Variants in AGBL1 observed in about 807,000 individuals in gnomAD.
The protein encoded by AGBL1 is AGBL carboxypeptidase 1, also known as cytosolic carboxypeptidase 4.
AGBL1 carries 130 observed loss-of-function variants against 118.9 expected under a neutral mutation model. That is an observed-to-expected ratio of 1.09 (90% CI 0.95 to 1.26). The LOEUF (loss-of-function observed/expected upper bound fraction) is 1.26. Ranked by LOEUF, AGBL1 falls within the 50% of genes most tolerant of loss-of-function variation. AGBL1 has a pLI of 0.00. For missense variants in AGBL1, 1,584 were observed against 1,298.1 expected (o/e 1.22, Z -3.38); for synonymous variants, 555 against 478.9 (o/e 1.16, Z -2.08).
intron 22 of AGBL1, among the ~76,000 whole-genome samples, chr15:86,726,723 A>T (rs1596410922): frequency 6.6e-6 from 1 of 152,016 alleles, no homozygotes; most frequent in Admixed American, 6.6e-5. Flanking sequence ...CACCATGCCC[A>T]GCTAATTGTT....
intron 1 of AGBL1, among the ~76,000 whole-genome samples, chr15:86,100,644 T>TCTCTAGCTTCTCTAGCTTCTTCTA (rs1441759341): frequency 1.3e-5 from 2 of 152,142 alleles, no homozygotes; most frequent in East Asian, 3.8e-4. Context: ...TTCAGTTTCT[T>TCTCTAGCTTCTCTAGCTTCTTCTA]GCTGCATAGT....
At chr15:86,326,434 C>T (rs552186969) in intron 17 of AGBL1, among the ~76,000 whole-genome samples, 1 of 152,238 alleles carries the variant, frequency 6.6e-6, no homozygotes, top group African/African-American at 2.4e-5. Flanking sequence ...GAATGATTTT[C>T]AGTTTATTAT....
chr15:86,794,520 A>G (rs1020595861), intron 22 of AGBL1, among the ~76,000 whole-genome samples: 13 of 152,182 alleles, frequency 8.5e-5, no homozygotes, highest in Non-Finnish European at 1.5e-4. Context: ...CTAGAATTAG[A>G]TAGTGGCGGA....
At chr15:86,717,971 A>G (rs867772726) in intron 22 of AGBL1, among the ~76,000 whole-genome samples, 5 of 152,116 alleles carry the variant, frequency 3.3e-5, no homozygotes, top group Admixed American at 1.3e-4. Flanking sequence ...TCAGCTACTC[A>G]GGAGGCTGAG....
At chr15:86,187,958 C>T (rs1274120659) in intron 5 of AGBL1, among the ~76,000 whole-genome samples, 1 of 152,198 alleles carries the variant, frequency 6.6e-6, no homozygotes, top group African/African-American at 2.4e-5. Flanking sequence ...TTCTTCAAGG[C>T]ATTTCTAATA....
At chr15:87,026,022 G>A in intron 24 of AGBL1, among the ~76,000 whole-genome samples, 1 of 152,124 alleles carries the variant, frequency 6.6e-6, no homozygotes, top group Non-Finnish European at 1.5e-5. Context: ...ATTGATTAAG[G>A]ACTTAAATAT....
At chr15:86,699,831 A>G (rs2086325139) in intron 22 of AGBL1, among the ~76,000 whole-genome samples, 1 of 152,070 alleles carries the variant, frequency 6.6e-6, no homozygotes, top group Non-Finnish European at 1.5e-5. Context: ...CTTGTAACTA[A>G]TAGCTATTTT....
chr15:86,361,701 A>T (rs1364233669), intron 17 of AGBL1, among the ~76,000 whole-genome samples: 17 of 151,868 alleles, frequency 1.1e-4, no homozygotes, highest in Admixed American at 1.1e-3. Flanking sequence ...TAATAACTTT[A>T]TTTGTGTTTT....
intron 21 of AGBL1, among the ~76,000 whole-genome samples, chr15:86,662,764 A>G (rs1215857379): frequency 6.6e-6 from 1 of 152,204 alleles, no homozygotes; most frequent in Non-Finnish European, 1.5e-5. Flanking sequence ...GCTAATCTGC[A>G]GACCATAATT....
In AGBL1 at chr15:86,505,445, C is replaced by G. The variant is rs544255616; in HGVS notation, c.2556-17365C>G. Reference sequence around the variant, plus strand: ...GATGGTGTCCCAGTGGTGTCTGAGACTCTGTTAATTTTTTAGATCCTTTCT... The same window carrying G: ...GATGGTGTCCCAGTGGTGTCTGAGAGTCTGTTAATTTTTTAGATCCTTTCT... On this transcript the variant is annotated intron_variant, in intron 18 of 22. Transcript: ENST00000614907. 3.3e-5 allele frequency among the ~76,000 whole-genome samples: 5 copies of G among 151,866 alleles called. No individual in the cohort carries two copies. In the East Asian group the frequency reaches 9.7e-4, roughly 30 times the overall value.
intron 22 of AGBL1, among the ~76,000 whole-genome samples, chr15:86,799,149 A>G (rs1175070480): frequency 1.3e-5 from 2 of 151,450 alleles, no homozygotes; most frequent in Non-Finnish European, 2.9e-5. Flanking sequence ...ATGCAATTGT[A>G]ATTTTATTTT....
At chr15:86,139,012 T>C (rs1215580564) in intron 1 of AGBL1, among the ~76,000 whole-genome samples, 1 of 152,166 alleles carries the variant, frequency 6.6e-6, no homozygotes, top group Non-Finnish European at 1.5e-5. Context: ...ATTTCTAGTT[T>C]TTCATAGACT....
At chr15:86,978,009 C>G (rs1411720540) in intron 23 of AGBL1, among the ~76,000 whole-genome samples, 1 of 152,042 alleles carries the variant, frequency 6.6e-6, no homozygotes, top group Non-Finnish European at 1.5e-5. Context: ...GTTTCTAAGA[C>G]TATCATGTAG....
intron 23 of AGBL1, among the ~76,000 whole-genome samples, chr15:86,929,182 C>T (rs1379399963): frequency 6.6e-6 from 1 of 152,108 alleles, no homozygotes; most frequent in Non-Finnish European, 1.5e-5. Flanking sequence ...TATTCAGTCT[C>T]CTCAGGTCAG....
At chr15:86,192,961 A>T (rs2077746414) in intron 5 of AGBL1, among the ~76,000 whole-genome samples, 1 of 152,216 alleles carries the variant, frequency 6.6e-6, no homozygotes, top group Admixed American at 6.5e-5. Context: ...CATAAGCACC[A>T]AAAAGAGATT....
chr15:87,006,211 T>C (rs1336917504), intron 24 of AGBL1, among the ~76,000 whole-genome samples: 1 of 152,210 alleles, frequency 6.6e-6, no homozygotes, highest in Non-Finnish European at 1.5e-5. Flanking sequence ...ACCACTACTC[T>C]TCAAAGCTGT....
chr15:86,348,043 T>G (rs1360231873), intron 17 of AGBL1, among the ~76,000 whole-genome samples: 1 of 152,170 alleles, frequency 6.6e-6, no homozygotes, highest in East Asian at 1.9e-4. Context: ...GAATCTGTTG[T>G]GTCCCCATGC....
At chr15:86,487,917 C>T (rs921559248) in intron 18 of AGBL1, among the ~76,000 whole-genome samples, 1 of 152,038 alleles carries the variant, frequency 6.6e-6, no homozygotes, top group Non-Finnish European at 1.5e-5. Context: ...TGTTTTATAT[C>T]GGGGATGCTC....
At chr15:86,211,867 A>C (rs548584653) in intron 5 of AGBL1, among the ~76,000 whole-genome samples, 1 of 152,088 alleles carries the variant, frequency 6.6e-6, no homozygotes, top group Non-Finnish European at 1.5e-5. Flanking sequence ...ACCAGTCCCA[A>C]TGAGATGAAC....
Sources: allele counts gnomAD v4.1 joint callset (sites outside exome capture counted in the v4.1 genomes callset), GRCh38; gene constraint gnomAD v4.1.1; transcripts MANE v1.5; gene names NCBI Gene and HGNC (gene_info 2026-07-23, HGNC 2026-07-21).